The following PRTG variants were observed in gnomAD, a reference collection of about 807,000 sequenced individuals.
The protein encoded by PRTG is protogenin.
Under a neutral mutation model 122.5 loss-of-function variants are expected in PRTG, and 67 were observed. That is an observed-to-expected ratio of 0.55 (90% confidence interval 0.45 to 0.67). PRTG has a LOEUF of 0.67. PRTG is among the 30% of genes least tolerant of loss of function. PRTG has a pLI of 0.00. For missense variants in PRTG, 1,435 were observed against 1,415.4 expected, an observed-to-expected ratio of 1.01 and a Z score of -0.22; for synonymous variants, 554 against 501.1, an observed-to-expected ratio of 1.11 and a Z score of -1.41.
chr15:55,637,110 T>C lies in PRTG; in HGVS notation c.2623+60A>G, dbSNP rs147656481. ...ATAAACTCTAGATTCCCCTTTCCTT[T>C]TGTTTCTTTAATATTAATAATCGTA... On this transcript the variant is annotated intron_variant, in intron 15 of 19. Transcript: ENST00000389286. 295 of 1,252,836 alleles carry C rather than the reference T, an allele frequency of 2.4e-4. 3 individuals are homozygous for C. The East Asian group carries it at 7.6e-3, about 32-fold the overall frequency. The allele number at this position is 1,252,836 out of a possible 1,614,324, so 77.6% of individuals were successfully genotyped here.
At chr15:55,643,598 A>AT (rs2059304405) in intron 11 of PRTG, among the ~76,000 whole-genome samples, 1 of 149,868 alleles carries the variant, frequency 6.7e-6, no homozygotes, top group East Asian at 2.0e-4. Flanking sequence ...CACACCTGGC[A>AT]TTTTTTGTAG....
chr15:55,624,567 C>A, intron 17 of PRTG, 60 bp from the exon 18 acceptor site: 2 of 1,431,382 alleles, frequency 1.4e-6, no homozygotes, highest in Non-Finnish European at 1.9e-6. Context: ...GGCAAATGAA[C>A]CACCTGGCCT....
At chr15:55,685,531 C>G (rs984198683) in intron 2 of PRTG, among the ~76,000 whole-genome samples, 2 of 152,212 alleles carry the variant, frequency 1.3e-5, no homozygotes, top group South Asian at 2.1e-4. Context: ...CATGGTATTA[C>G]AACAGACCAA....
chr15:55,611,596 T>C lies in PRTG; in HGVS notation c.*8416A>G, dbSNP rs912796982. On this transcript the variant is annotated 3_prime_UTR_variant, in exon 20 of 20. Coordinates refer to ENST00000389286, the MANE Select transcript of PRTG (RefSeq NM_173814.6). ...TTAAATTGTGCAATCAATCAGTATT[T>C]AGACAGCAGTTTCATAAACATTTTG... 2.6e-5 allele frequency: 4 copies of C among 152,162 alleles called. No individual in the cohort carries two copies. The highest frequency in any genetic ancestry group is 7.2e-5 in the African/African-American group (3 of 41,448). 9.4% of individuals were successfully genotyped at this position (152,162 alleles called of 1,614,324 possible). A position where few individuals can be genotyped will look rare whatever the true frequency, so the allele number is the denominator to read the frequency against.
At chr15:55,625,036 C>T (rs2059187160) in intron 17 of PRTG, among the ~76,000 whole-genome samples, 1 of 152,076 alleles carries the variant, frequency 6.6e-6, no homozygotes, top group Non-Finnish European at 1.5e-5. Context: ...AGTATGTTTC[C>T]ATGTAGAGCT....
intron 2 of PRTG, among the ~76,000 whole-genome samples, chr15:55,687,658 A>G (rs1012387243): frequency 6.6e-6 from 1 of 152,236 alleles, no homozygotes; most frequent in African/African-American, 2.4e-5. Flanking sequence ...TGAAACATAA[A>G]TAGGTTTACC....
Position 55,738,023 on chromosome 15 carries a change from T to TACACACAC in PRTG, c.397+2358_397+2359insGTGTGTGT, listed in dbSNP as rs1315571063. Among the ~76,000 whole-genome samples the TACACACAC allele has an allele frequency of 6.9e-4, 66 of 96,198 alleles. 1 individual carries two copies. The highest frequency in any genetic ancestry group is 2.3e-3 in the African/African-American group (60 of 26,124). The allele number at this position is 96,198 out of a possible 152,430, so 63.1% of individuals were successfully genotyped here. On this transcript the variant is annotated intron_variant, in intron 2 of 19. Coordinates refer to ENST00000389286, the MANE Select transcript of PRTG (RefSeq NM_173814.6). ...CTCTCTATATATATATATATATATATATACACACACACACACACACACACA... is the reference window on the plus strand; with the variant it reads ...CTCTCTATATATATATATATATATATACACACACATACACACACACACACACACACACA...
At chr15:55,622,158 T>G (rs1261873947) in intron 18 of PRTG, among the ~76,000 whole-genome samples, 2 of 150,780 alleles carry the variant, frequency 1.3e-5, no homozygotes, top group Non-Finnish European at 3.0e-5. Flanking sequence ...TCTCCTAACC[T>G]CTCTCATATC....
At chr15:55,705,332 C>T (rs1052644392) in intron 2 of PRTG, among the ~76,000 whole-genome samples, 1 of 152,180 alleles carries the variant, frequency 6.6e-6, no homozygotes, top group Non-Finnish European at 1.5e-5. Context: ...ATTTTCTCTG[C>T]TTTAAACTTT....
chr15:55,628,382 G>C (rs1281387528), intron 16 of PRTG, among the ~76,000 whole-genome samples: 1 of 32,908 alleles, frequency 3.0e-5, no homozygotes, highest in Admixed American at 4.2e-4. Flanking sequence ...TGGAGACAGA[G>C]AGGGAAAAAA....
At chr15:55,730,277 T>G (rs1186465007) in intron 2 of PRTG, among the ~76,000 whole-genome samples, 1 of 151,968 alleles carries the variant, frequency 6.6e-6, no homozygotes, top group Non-Finnish European at 1.5e-5. Context: ...AATTTTTGTA[T>G]TTTTAGTAGA....
chr15:55,675,458 T>A, intron 9 of PRTG, 61 bp downstream of exon 9: 1 of 1,225,032 alleles, frequency 8.2e-7, no homozygotes, highest in Non-Finnish European at 1.1e-6. Flanking sequence ...CATTTATTCA[T>A]TGAAATTGAC....
At chr15:55,701,530 T>C (rs1412371474) in intron 2 of PRTG, among the ~76,000 whole-genome samples, 5 of 151,864 alleles carry the variant, frequency 3.3e-5, no homozygotes, top group African/African-American at 7.3e-5. Context: ...TGAGACTCCA[T>C]CTCAAAAACA....
intron 15 of PRTG, among the ~76,000 whole-genome samples, chr15:55,629,427 G>A (rs1433516281): frequency 6.9e-6 from 1 of 144,450 alleles, no homozygotes; most frequent in African/African-American, 2.6e-5. Flanking sequence ...GTGTGTGTGT[G>A]TGTGTGTGTA....
intron 2 of PRTG, among the ~76,000 whole-genome samples, chr15:55,725,807 T>C (rs1258477332): frequency 6.6e-6 from 1 of 152,222 alleles, no homozygotes; most frequent in Non-Finnish European, 1.5e-5. Context: ...AGTCTCACTC[T>C]GTCACATAGG....
intron 2 of PRTG, among the ~76,000 whole-genome samples, chr15:55,729,587 GA>G (rs560992043): frequency 2.7e-5 from 4 of 150,594 alleles, no homozygotes; most frequent in Non-Finnish European, 4.4e-5. Context: ...ATTCTGCGGG[GA>G]AAAAAAATAA....
chr15:55,675,473 C>T, intron 9 of PRTG, 46 bp downstream of exon 9: 1 of 1,354,480 alleles, frequency 7.4e-7, no homozygotes, highest in East Asian at 2.3e-5. Flanking sequence ...ATTGACAAAA[C>T]ATACGAATGT....
chr15:55,705,448 T>C (rs1334880180), intron 2 of PRTG, among the ~76,000 whole-genome samples: 1 of 152,228 alleles, frequency 6.6e-6, no homozygotes, highest in Admixed American at 6.5e-5. Flanking sequence ...TCAACTATTT[T>C]GTCTTCCCCT....
intron 2 of PRTG, among the ~76,000 whole-genome samples, chr15:55,700,281 A>T (rs1171184685): frequency 6.6e-5 from 10 of 152,200 alleles, no homozygotes; most frequent in Admixed American, 6.5e-4. Context: ...TAAATAATTA[A>T]TCTTGACTTA....
Sources: allele counts gnomAD v4.1 joint callset (sites outside exome capture counted in the v4.1 genomes callset), GRCh38; gene constraint gnomAD v4.1.1; transcripts MANE v1.5; gene names NCBI Gene and HGNC (gene_info 2026-07-23, HGNC 2026-07-21).